The following CACNA1B variants were observed in gnomAD, a reference collection of about 807,000 sequenced individuals.
CACNA1B encodes calcium voltage-gated channel subunit alpha1 B.
Under a neutral mutation model 247.2 loss-of-function variants are expected in CACNA1B, and 70 were observed. The ratio of observed to expected loss-of-function variants is 0.28; its 90% confidence interval spans 0.23 to 0.35. The LOEUF is 0.35. CACNA1B is among the 10% of genes least tolerant of loss of function. The pLI, the probability that CACNA1B is intolerant of heterozygous loss-of-function variation, is 1.00. For missense variants in CACNA1B, 2,367 were observed against 3,197.4 expected (o/e 0.74, Z 6.26); for synonymous variants, 1,231 against 1,294.4 (o/e 0.95, Z 1.05).
intron 24 of CACNA1B, among the ~76,000 whole-genome samples, chr9:138,049,700 C>T (rs1324145960): frequency 1.3e-5 from 2 of 152,212 alleles, no homozygotes; most frequent in Admixed American, 1.3e-4. Flanking sequence ...TCACCTTGAC[C>T]TGCTCTGAGG....
At chr9:138,037,333 T>G (rs1478320843) in intron 20 of CACNA1B, among the ~76,000 whole-genome samples, 1 of 152,176 alleles carries the variant, frequency 6.6e-6, no homozygotes, top group African/African-American at 2.4e-5. Flanking sequence ...ACCCACTAGT[T>G]GTGACAACCA....
At chr9:138,077,994 G>A in intron 35 of CACNA1B, 120 bp from the exon 36 acceptor site, 1 of 755,952 alleles carries the variant, frequency 1.3e-6, no homozygotes, top group Non-Finnish European at 2.1e-6. Context: ...CCCAGGCCTG[G>A]CACATGTGTG....
chr9:138,015,782 A>C (rs540670973), intron 18 of CACNA1B, among the ~76,000 whole-genome samples: 9 of 152,270 alleles, frequency 5.9e-5, no homozygotes, highest in African/African-American at 2.2e-4. Flanking sequence ...GCCTCAGGTG[A>C]CAGCTGCTTG....
rs2131375282 is a variant in CACNA1B at position 138,121,338 on chromosome 9, C to T, written c.6490-131C>T. 3.0e-6 allele frequency: 2 copies of T among 670,366 alleles called. No homozygotes were observed. Among genetic ancestry groups the T allele is most frequent in the Admixed American group, 3.3e-5 (1 of 30,246 alleles). The allele number at this position is 670,366 out of a possible 1,614,324, so 41.5% of individuals were successfully genotyped here. A position where few individuals can be genotyped will look rare whatever the true frequency, so the allele number is the denominator to read the frequency against. On this transcript the variant is annotated intron_variant, in intron 46 of 46. Transcript: ENST00000371372. The surrounding 1 kb of genome is among the most constrained non-coding windows in gnomAD (Gnocchi z 6.8). The stretch of plus-strand genomic sequence containing the variant: ...CTGTTGCCTCCCTGGTCACCGCAGC[C>T]CGTTGTCCCCCATTGCCTCCCTCTC...
chr9:137,967,988 C>T (rs896351778), intron 10 of CACNA1B, among the ~76,000 whole-genome samples: 3 of 152,212 alleles, frequency 2.0e-5, no homozygotes, highest in Non-Finnish European at 4.4e-5. Flanking sequence ...ACTGAACTCC[C>T]CTTTTTTTCA....
At chr9:137,898,065 A>C (rs1427103688) in intron 3 of CACNA1B, among the ~76,000 whole-genome samples, 1 of 152,108 alleles carries the variant, frequency 6.6e-6, no homozygotes. Flanking sequence ...TTTCCCCTCC[A>C]TTCCCCAAAG....
chr9:138,025,500 G>C (rs753551700), intron 20 of CACNA1B, among the ~76,000 whole-genome samples: 26 of 152,164 alleles, frequency 1.7e-4, no homozygotes, highest in Non-Finnish European at 3.7e-4. Context: ...CCACAAAACA[G>C]GCACAACTCT....
rs551623861 is a variant in CACNA1B at position 138,012,468 on chromosome 9, G to T, written c.2161-661G>T. ...ATGGTACAGACAAGCTGAAGGCCAGGCATGGTAGCTAACACCTGTACTCCC... is the reference window on the plus strand; with the variant it reads ...ATGGTACAGACAAGCTGAAGGCCAGTCATGGTAGCTAACACCTGTACTCCC... On this transcript the variant is annotated intron_variant, in intron 17 of 46. Transcript: ENST00000371372. The surrounding 1 kb of genome is among the most constrained non-coding windows in gnomAD (Gnocchi z 4.2). 6.6e-6 allele frequency among the ~76,000 whole-genome samples: 1 copy of T among 152,144 alleles called. No individual in the cohort carries two copies. The highest frequency in any genetic ancestry group is 1.5e-5 in the Non-Finnish European group (1 of 68,018).
chr9:138,047,885 TAGG>T (rs886555056), intron 23 of CACNA1B, among the ~76,000 whole-genome samples: 5 of 152,132 alleles, frequency 3.3e-5, no homozygotes, highest in African/African-American at 7.2e-5. Context: ...GACTTGAATT[TAGG>T]AGGGCATTTG....
chr9:138,006,020 A>G (rs1292676751), intron 15 of CACNA1B, among the ~76,000 whole-genome samples: 4 of 142,862 alleles, frequency 2.8e-5, no homozygotes, highest in African/African-American at 5.3e-5. Flanking sequence ...TCCAGCCTGG[A>G]TGACAGAGTA....
chr9:138,108,325 AAAAAAGC>A (rs1961506436), intron 39 of CACNA1B, among the ~76,000 whole-genome samples: 1 of 151,212 alleles, frequency 6.6e-6, no homozygotes, highest in East Asian at 1.9e-4. Flanking sequence ...AAAAAAAAAA[AAAAAAGC>A]AAAAGCTTCA....
Position 138,121,004 on chromosome 9 carries a change from A to G in CACNA1B, c.6489+123A>G. The stretch of plus-strand genomic sequence containing the variant: ...TGCCCTTTGTCATTCCCAGCAACCC[A>G]AGGGCCGGGCGCTCCCCTCTGTGCC... On this transcript the variant is annotated intron_variant, in intron 46 of 46. Coordinates refer to ENST00000371372, the MANE Select transcript of CACNA1B (RefSeq NM_000718.4). The surrounding 1 kb of genome is among the most constrained non-coding windows in gnomAD (Gnocchi z 6.8). 8.6e-7 allele frequency: 1 copy of G among 1,162,406 alleles called. No individual in the cohort carries two copies. Among genetic ancestry groups the G allele is most frequent in the Non-Finnish European group, 1.2e-6 (1 of 839,332 alleles). The allele number at this position is 1,162,406 out of a possible 1,614,324, so 72.0% of individuals were successfully genotyped here. A position where few individuals can be genotyped will look rare whatever the true frequency, so the allele number is the denominator to read the frequency against.
chr9:137,915,163 G>T (rs1285319175), intron 5 of CACNA1B, among the ~76,000 whole-genome samples: 1 of 152,222 alleles, frequency 6.6e-6, no homozygotes, highest in Non-Finnish European at 1.5e-5. Context: ...CAGAACTTCA[G>T]TTACCAGTAG....
chr9:137,954,736 T>A lies in CACNA1B; in HGVS notation c.1071-962T>A, dbSNP rs1957923723. On this transcript the variant is annotated intron_variant, in intron 7 of 46. Transcript: ENST00000371372. This position sits in a 1 kb window ranked among gnomAD's most constrained non-coding sequence, Gnocchi z 4.1. ...CACTGCCTGGGCTGTAGCAGCTCAG[T>A]GCCTAGCGGACACTGGCCCTGCGCC... 6.6e-6 allele frequency among the ~76,000 whole-genome samples: 1 copy of A among 151,898 alleles called. No homozygotes were observed. Among genetic ancestry groups the A allele is most frequent in the Non-Finnish European group, 1.5e-5 (1 of 67,974 alleles).
Position 138,121,014 on chromosome 9 carries a change from C to A in CACNA1B, c.6489+133C>A, listed in dbSNP as rs773682677. 3.7e-6 allele frequency: 4 copies of A among 1,074,662 alleles called. No homozygotes were observed. The highest frequency in any genetic ancestry group is 3.9e-6 in the Non-Finnish European group (3 of 761,650). The allele number at this position is 1,074,662 out of a possible 1,614,324, so 66.6% of individuals were successfully genotyped here. ...CATTCCCAGCAACCCAAGGGCCGGG[C>A]GCTCCCCTCTGTGCCCTGTCCCGGA... is the stretch of plus-strand genomic sequence containing the variant. On this transcript the variant is annotated intron_variant, in intron 46 of 46. Transcript: ENST00000371372. This position sits in a 1 kb window ranked among gnomAD's most constrained non-coding sequence, Gnocchi z 6.8.
intron 11 of CACNA1B, among the ~76,000 whole-genome samples, chr9:137,972,622 T>A (rs1958167324): frequency 6.6e-6 from 1 of 151,578 alleles, no homozygotes; most frequent in South Asian, 2.1e-4. Flanking sequence ...TGCCCAGGAG[T>A]GTGAGGGTTC....
In CACNA1B at chr9:137,952,675, G is replaced by T. The variant is rs1179482775; in HGVS notation, c.1070+298G>T. ...CAGGAGGTGTGGTCTGTAATGGGAG[G>T]TTGGTCTGGGGGGATGGGAGGTGTG... On this transcript the variant is annotated intron_variant, in intron 7 of 46. Coordinates refer to ENST00000371372, the MANE Select transcript of CACNA1B (RefSeq NM_000718.4). This position sits in a 1 kb window ranked among gnomAD's most constrained non-coding sequence, Gnocchi z 4.8. Among the ~76,000 whole-genome samples, 1 of 120,494 alleles carries T rather than the reference G, an allele frequency of 8.3e-6. No homozygotes were observed. Among genetic ancestry groups the T allele is most frequent in the Non-Finnish European group, 1.6e-5 (1 of 61,390 alleles). 79.0% of individuals were successfully genotyped at this position (120,494 alleles called of 152,430 possible). A position where few individuals can be genotyped will look rare whatever the true frequency, so the allele number is the denominator to read the frequency against.
At chr9:138,055,526 G>A (rs539498595) in intron 26 of CACNA1B, among the ~76,000 whole-genome samples, 2 of 152,140 alleles carry the variant, frequency 1.3e-5, no homozygotes, top group South Asian at 2.1e-4. Flanking sequence ...CCAAGGCCAG[G>A]GATGTTTTCT....
Position 138,053,957 on chromosome 9 carries a change from A to G in CACNA1B, c.3919A>G (p.Lys1307Glu). Residue 1307 changes from lysine to glutamate, a missense_variant, in exon 26 of 47, where the codon AAG becomes GAG. Physicochemically the swap from Lys to Glu is moderately conservative, Grantham distance 56. This residue lies in a region of CACNA1B where 436 missense variants were observed against 679.5 expected (regional missense o/e 0.64). Transcript: ENST00000371372. ...CATTGCGGTGCAGCTCTTCAAAGGG[A>G]AGTTTTTCTACTGCACAGATGAATC... is the stretch of plus-strand genomic sequence containing the variant. ...AVIAVQLFKG[K>E]FFYCTDESKE... 6.2e-7 allele frequency: 1 copy of G among 1,613,968 alleles called. No individual in the cohort carries two copies. Among genetic ancestry groups the G allele is most frequent in the Non-Finnish European group, 8.5e-7 (1 of 1,179,850 alleles).
Sources: gnomAD v4.1 joint callset for allele counts (sites outside exome capture counted in the v4.1 genomes callset) on GRCh38, gnomAD v4.1.1 for gene constraint, gnomAD v4.1.1 regional missense constraint, Gnocchi (gnomAD v3.1) non-coding constraint, MANE v1.5 for transcripts, NCBI Gene and HGNC (gene_info 2026-07-23, HGNC 2026-07-21) for gene names.